UTRN: variants seen among roughly 807,000 people sequenced by gnomAD.
The protein encoded by UTRN is utrophin.
Under a neutral mutation model 463.9 loss-of-function variants are expected in UTRN, and 283 were observed. The observed-to-expected ratio is 0.61, with a 90% CI of 0.55 to 0.67. The LOEUF (loss-of-function observed/expected upper bound fraction) is 0.67. UTRN is among the 30% of genes least tolerant of loss of function. The probability of loss-of-function intolerance (pLI) is 0.00; values close to 1 mark genes in which losing one functional copy is unlikely to be tolerated. For synonymous variants in UTRN, 1,442 were observed against 1,431.5 expected (o/e 1.01, Z -0.17); for missense variants, 3,922 against 4,084.3 (o/e 0.96, Z 1.08).
In UTRN at chr6:144,490,968, C is replaced by T. The variant is rs766167920; in HGVS notation, c.4303C>T (p.Gln1435Ter). The change falls in exon 32 of 75, where the codon CAG becomes TAG. Residue 1435 changes from glutamine to a stop codon, truncating the protein, a stop_gained. Coordinates refer to ENST00000367545, the MANE Select transcript of UTRN (RefSeq NM_007124.3). LOFTEE classifies it high-confidence loss of function. ...REVSTKFQLF[Q>*]KPANFEQRML... ...GGTGTCCACAAAGTTCCAGCTTTTC[C>T]AGAAGCCAGCTAACTTCGAGCAGCG... 1 of 1,609,224 alleles carries T rather than the reference C, an allele frequency of 6.2e-7. No homozygotes were observed. The highest frequency in any genetic ancestry group is 1.1e-5 in the South Asian group (1 of 90,254).
intron 3 of UTRN, among the ~76,000 whole-genome samples, chr6:144,416,574 G>C (rs1784382264): frequency 6.6e-6 from 1 of 152,190 alleles, no homozygotes; most frequent in Non-Finnish European, 1.5e-5. Context: ...TCCAGCAGCA[G>C]TAGTGTCCCA....
Position 144,495,184 on chromosome 6 carries a change from C to T in UTRN, c.4593+1728C>T, listed in dbSNP as rs186142932. ...CCCTTGGGTGGTCAATGGGAGTGGG[C>T]GCCGTGGAGCAGGGGGTGGCACTCA... On this transcript the variant is annotated intron_variant, in intron 33 of 74. Coordinates refer to ENST00000367545, the MANE Select transcript of UTRN (RefSeq NM_007124.3). 1.6e-3 allele frequency among the ~76,000 whole-genome samples: 243 copies of T among 152,242 alleles called. 3 individuals carry two copies. Among genetic ancestry groups the T allele is most frequent in the African/African-American group, 5.7e-3 (236 of 41,536 alleles).
chr6:144,406,724 C>T (rs1476182412), intron 3 of UTRN, among the ~76,000 whole-genome samples: 1 of 152,122 alleles, frequency 6.6e-6, no homozygotes, highest in Non-Finnish European at 1.5e-5. Flanking sequence ...ACCTGAATAC[C>T]TTTTTCTCTT....
intron 2 of UTRN, among the ~76,000 whole-genome samples, chr6:144,386,592 C>A (rs1429790283): frequency 6.6e-6 from 1 of 152,110 alleles, no homozygotes; most frequent in Non-Finnish European, 1.5e-5. Context: ...CCAATTTATA[C>A]CCTTTTAGGC....
chr6:144,412,732 GTGTGTATA>G (rs1562361334), intron 3 of UTRN, among the ~76,000 whole-genome samples: 4 of 125,010 alleles, frequency 3.2e-5, no homozygotes, highest in African/African-American at 1.5e-4. Flanking sequence ...GTGTGTGTGT[GTGTGTATA>G]TATATATATA....
intron 2 of UTRN, among the ~76,000 whole-genome samples, chr6:144,366,098 G>A (rs777391013): frequency 1.8e-4 from 27 of 152,100 alleles, no homozygotes; most frequent in South Asian, 1.0e-3. Context: ...TATGTGCATC[G>A]CATTCTATTT....
At position 144,428,899 on chromosome 6, in the gene UTRN, G is replaced by A. The variant is rs370113619; in HGVS notation, c.694+6G>A. On this transcript the variant is annotated splice_donor_region_variant and intron_variant, in intron 8 of 74. Coordinates refer to ENST00000367545, the MANE Select transcript of UTRN (RefSeq NM_007124.3). The stretch of plus-strand genomic sequence containing the variant: ...AAAGCTGTTAGATCCTGAAGGTATT[G>A]TCCAGTATTTAATTTCCACCTTGAT... The A allele has an allele frequency of 1.1e-5, 18 of 1,565,720 alleles. No individual in the cohort carries two copies. The highest frequency in any genetic ancestry group is 1.6e-5 in the Non-Finnish European group (18 of 1,149,874).
chr6:144,381,390 T>C (rs1302216754), intron 2 of UTRN, among the ~76,000 whole-genome samples: 1 of 152,248 alleles, frequency 6.6e-6, no homozygotes, highest in East Asian at 1.9e-4. Flanking sequence ...CCATAGTGTG[T>C]ATATGCCACA....
chr6:144,736,169 C>A (rs922420580), intron 54 of UTRN, among the ~76,000 whole-genome samples: 1 of 152,062 alleles, frequency 6.6e-6, no homozygotes, highest in East Asian at 1.9e-4. Flanking sequence ...TCCATAATAG[C>A]TTTTATACTT....
intron 51 of UTRN, among the ~76,000 whole-genome samples, chr6:144,603,075 T>C (rs1804433776): frequency 6.6e-6 from 1 of 152,090 alleles, no homozygotes; most frequent in Admixed American, 6.6e-5. Flanking sequence ...AGAATTCCTT[T>C]TGTTTTTATG....
At chr6:144,775,401 C>G (rs1483783605) in intron 60 of UTRN, among the ~76,000 whole-genome samples, 1 of 152,064 alleles carries the variant, frequency 6.6e-6, no homozygotes, top group Non-Finnish European at 1.5e-5. Flanking sequence ...TGAGGCAATG[C>G]AAGGAAGAAT....
intron 2 of UTRN, among the ~76,000 whole-genome samples, chr6:144,330,659 G>A (rs1043505179): frequency 6.6e-6 from 1 of 152,118 alleles, no homozygotes; most frequent in African/African-American, 2.4e-5. Flanking sequence ...CTGTTCCTAG[G>A]CAGATAAGTG....
At chr6:144,824,582 A>T (rs9484908) in intron 66 of UTRN, among the ~76,000 whole-genome samples, 2 of 31,508 alleles carry the variant, frequency 6.3e-5, no homozygotes, top group African/African-American at 1.6e-4. Flanking sequence ...TTATATATAT[A>T]TATATATATA....
chr6:144,608,458 C>T (rs1335818461), intron 51 of UTRN, among the ~76,000 whole-genome samples: 2 of 152,158 alleles, frequency 1.3e-5, no homozygotes, highest in East Asian at 1.9e-4. Flanking sequence ...TATCATCAGG[C>T]AAGAATACCA....
chr6:144,541,116 T>C (rs1797943566), intron 45 of UTRN, among the ~76,000 whole-genome samples: 1 of 152,216 alleles, frequency 6.6e-6, no homozygotes, highest in African/African-American at 2.4e-5. Flanking sequence ...CCAATATGAT[T>C]GGTTAAAACA....
chr6:144,330,749 AT>A, intron 2 of UTRN: 1 of 906,950 alleles, frequency 1.1e-6, no homozygotes, highest in Non-Finnish European at 1.3e-6. Flanking sequence ...GGATTGGGCT[AT>A]TCACAGAGGC....
rs540129014 is a variant in UTRN at position 144,370,371 on chromosome 6, C to T, written c.80-32752C>T. Among the ~76,000 whole-genome samples, 5 of 152,342 alleles carry T rather than the reference C, an allele frequency of 3.3e-5. No individual in the cohort carries two copies. In the South Asian group the frequency reaches 1.0e-3, roughly 32 times the overall value. On this transcript the variant is annotated intron_variant, in intron 2 of 74. Coordinates refer to ENST00000367545, the MANE Select transcript of UTRN (RefSeq NM_007124.3). ...GCTCAGGCCGTTGATTCAAAGGGTG[C>T]AAGCCCCAACCCTGGGAGGCTTATG...
chr6:144,459,371 T>A lies in UTRN; in HGVS notation c.2707+17T>A, dbSNP rs780322495. On this transcript the variant is annotated intron_variant, in intron 21 of 74. Coordinates refer to ENST00000367545, the MANE Select transcript of UTRN (RefSeq NM_007124.3). ...TAGAGAATGGTAAACCCAACAATTT[T>A]AAAATCTCCTGTCTCAGTTTGCCTT... 6.4e-7 allele frequency: 1 copy of A among 1,565,204 alleles called. No individual in the cohort carries two copies. Among genetic ancestry groups the A allele is most frequent in the Non-Finnish European group, 8.7e-7 (1 of 1,155,522 alleles).
chr6:144,588,752 C>T (rs1283029141), intron 51 of UTRN, among the ~76,000 whole-genome samples: 2 of 152,182 alleles, frequency 1.3e-5, no homozygotes, highest in Non-Finnish European at 1.5e-5. Context: ...TCCTCTTACT[C>T]TTAACTGTGA....
Sources: allele counts gnomAD v4.1 joint callset (sites outside exome capture counted in the v4.1 genomes callset), GRCh38; gene constraint gnomAD v4.1.1; transcripts MANE v1.5; gene names NCBI Gene and HGNC (gene_info 2026-07-23, HGNC 2026-07-21).